The following CNTNAP5 variants were observed in gnomAD, a reference collection of about 807,000 sequenced individuals.
The protein encoded by CNTNAP5 is contactin associated protein family member 5, also known as contactin-associated protein-like 5.
In CNTNAP5, 72 loss-of-function variants were observed where a neutral mutation model predicts 150.2. The observed-to-expected ratio is 0.48, with a 90% CI of 0.40 to 0.58. The LOEUF (loss-of-function observed/expected upper bound fraction) is 0.58, where lower values mean the gene tolerates loss of function less well. CNTNAP5 is among the 20% of genes least tolerant of loss of function. The pLI is 0.00. For synonymous variants in CNTNAP5, 672 were observed against 619.8 expected (o/e 1.08, Z -1.25); for missense variants, 1,636 against 1,626.2 (o/e 1.01, Z -0.10).
chr2:124,712,190 T>C (rs566074139), intron 13 of CNTNAP5, among the ~76,000 whole-genome samples: 13 of 152,222 alleles, frequency 8.5e-5, no homozygotes, highest in African/African-American at 2.9e-4. Flanking sequence ...TTCAGACTCA[T>C]GTTGGGTGGA....
At chr2:124,348,722 A>G (rs561527445) in intron 3 of CNTNAP5, among the ~76,000 whole-genome samples, 2 of 152,240 alleles carry the variant, frequency 1.3e-5, no homozygotes, top group African/African-American at 2.4e-5. Flanking sequence ...TTTTGGACAT[A>G]ATATTGTATT....
chr2:124,336,440 T>C (rs907274512), intron 3 of CNTNAP5, among the ~76,000 whole-genome samples: 1 of 151,928 alleles, frequency 6.6e-6, no homozygotes, highest in African/African-American at 2.4e-5. Flanking sequence ...TTGTTACATA[T>C]ATATACATGT....
At chr2:124,812,910 T>C (rs897883770) in intron 19 of CNTNAP5, among the ~76,000 whole-genome samples, 5 of 152,150 alleles carry the variant, frequency 3.3e-5, no homozygotes, top group African/African-American at 1.2e-4. Context: ...AGAATAAATC[T>C]CTTCAAATAT....
intron 12 of CNTNAP5, among the ~76,000 whole-genome samples, chr2:124,641,591 T>A (rs529502847): frequency 6.6e-6 from 1 of 152,326 alleles, no homozygotes; most frequent in South Asian, 2.1e-4. Flanking sequence ...TTAAACTGTC[T>A]TTACCCTTGG....
At chr2:124,081,392 G>C (rs561081051) in intron 1 of CNTNAP5, among the ~76,000 whole-genome samples, 26 of 152,216 alleles carry the variant, frequency 1.7e-4, no homozygotes, top group Admixed American at 5.2e-4. Context: ...TTCCTTAACT[G>C]TTTCTTATGT....
chr2:124,588,184 CTTTCT>C (rs1558966064), intron 11 of CNTNAP5, among the ~76,000 whole-genome samples: 9,536 of 114,254 alleles, frequency 0.083, 436 homozygotes, highest in East Asian at 0.17. Flanking sequence ...TTCCTTCTTT[CTTTCT>C]TTCTTTCTTT....
At chr2:124,043,740 A>G (rs747849278) in intron 1 of CNTNAP5, among the ~76,000 whole-genome samples, 7 of 152,228 alleles carry the variant, frequency 4.6e-5, no homozygotes, top group Non-Finnish European at 8.8e-5. Flanking sequence ...TTACAACAAC[A>G]TAAACCTCAA....
intron 10 of CNTNAP5, among the ~76,000 whole-genome samples, chr2:124,535,782 A>G (rs1695217372): frequency 6.6e-6 from 1 of 151,630 alleles, no homozygotes; most frequent in South Asian, 2.1e-4. Context: ...TCTCAAAAAC[A>G]AAAAAAATAA....
intron 13 of CNTNAP5, among the ~76,000 whole-genome samples, chr2:124,720,789 T>G (rs1680033139): frequency 6.6e-6 from 1 of 152,232 alleles, no homozygotes; most frequent in Admixed American, 6.5e-5. Flanking sequence ...AATTGATTAT[T>G]AGTGTACCTA....
At chr2:124,276,363 T>G (rs759156554) in intron 3 of CNTNAP5, among the ~76,000 whole-genome samples, 45 of 152,200 alleles carry the variant, frequency 3.0e-4, no homozygotes, top group Non-Finnish European at 7.3e-5. Context: ...TCCCTGCTTT[T>G]AACATAAAGG....
intron 13 of CNTNAP5, among the ~76,000 whole-genome samples, chr2:124,659,142 A>G (rs1678520857): frequency 6.6e-6 from 1 of 152,252 alleles, no homozygotes; most frequent in Non-Finnish European, 1.5e-5. Flanking sequence ...TGGAAGAATA[A>G]AAAGTGTTTG....
intron 1 of CNTNAP5, among the ~76,000 whole-genome samples, chr2:124,161,320 T>C (rs2104649192): frequency 6.6e-6 from 1 of 152,216 alleles, no homozygotes; most frequent in Non-Finnish European, 1.5e-5. Context: ...TGCACTCTAC[T>C]GGATATAAGG....
intron 11 of CNTNAP5, among the ~76,000 whole-genome samples, chr2:124,578,122 C>A (rs1264723972): frequency 1.5e-4 from 18 of 121,418 alleles, no homozygotes; most frequent in Non-Finnish European, 2.8e-4. Context: ...CCAGCCTGGC[C>A]AACATGGTGA....
chr2:124,823,134 T>G (rs534075006), intron 19 of CNTNAP5, among the ~76,000 whole-genome samples: 4 of 152,342 alleles, frequency 2.6e-5, no homozygotes, highest in African/African-American at 9.6e-5. Flanking sequence ...AGGTATACTT[T>G]GTAGCTGTTC....
chr2:124,620,356 G>A (rs1363113090), intron 12 of CNTNAP5, among the ~76,000 whole-genome samples: 2 of 152,036 alleles, frequency 1.3e-5, no homozygotes, highest in African/African-American at 4.8e-5. Context: ...TCTTGACTGA[G>A]CTTGAGTCAT....
chr2:124,552,631 G>A (rs966980706), intron 10 of CNTNAP5, among the ~76,000 whole-genome samples: 3 of 152,112 alleles, frequency 2.0e-5, no homozygotes, highest in Non-Finnish European at 4.4e-5. Flanking sequence ...ACACATATAT[G>A]TATGTGTGAG....
intron 10 of CNTNAP5, among the ~76,000 whole-genome samples, chr2:124,554,988 C>T (rs912442630): frequency 6.6e-6 from 1 of 152,132 alleles, no homozygotes; most frequent in African/African-American, 2.4e-5. Context: ...GATTATTAGA[C>T]TTCATGACTT....
At chr2:124,727,535 C>T (rs1680183316) in intron 13 of CNTNAP5, among the ~76,000 whole-genome samples, 1 of 151,900 alleles carries the variant, frequency 6.6e-6, no homozygotes, top group South Asian at 2.1e-4. Context: ...CTTACGCTTC[C>T]ATGGTTACAT....
rs569186054 is a variant in CNTNAP5 at position 124,326,815 on chromosome 2, A to G, written c.381+84422A>G. ...TAAATAAATAAATACATACATACAT[A>G]CAAATATTAGTTGGGGATGGATGCA... On this transcript the variant is annotated intron_variant, in intron 3 of 23. Coordinates refer to ENST00000682447, the MANE Select transcript of CNTNAP5 (RefSeq NM_001367498.1). Among the ~76,000 whole-genome samples the G allele has an allele frequency of 6.6e-5, 10 of 152,014 alleles. No homozygotes were observed. The East Asian group carries it at 2.0e-3, about 30-fold the overall frequency.
Sources: gnomAD v4.1 joint callset for allele counts (sites outside exome capture counted in the v4.1 genomes callset) on GRCh38, gnomAD v4.1.1 for gene constraint, MANE v1.5 for transcripts, NCBI Gene and HGNC (gene_info 2026-07-23, HGNC 2026-07-21) for gene names.